The following AQR variants were observed in gnomAD, a reference collection of about 807,000 sequenced individuals.
The protein encoded by AQR is RNA helicase aquarius.
Under a neutral mutation model 180.5 loss-of-function variants are expected in AQR, and 61 were observed. The observed-to-expected ratio is 0.34, with a 90% CI of 0.28 to 0.42. The LOEUF (loss-of-function observed/expected upper bound fraction) is 0.42, where lower values mean the gene tolerates loss of function less well. Ranked by LOEUF, AQR falls within the 10% of genes least tolerant of loss-of-function variation. The probability of loss-of-function intolerance (pLI) is 1.00; values close to 1 mark genes in which losing one functional copy is unlikely to be tolerated. For missense variants in AQR, 1,281 were observed against 1,798.3 expected, an observed-to-expected ratio of 0.71 and a Z score of 5.20; for synonymous variants, 551 against 588.8, an observed-to-expected ratio of 0.94 and a Z score of 0.93.
chr15:34,931,631 A>C (rs1477685111), intron 11 of AQR, among the ~76,000 whole-genome samples: 1 of 152,050 alleles, frequency 6.6e-6, no homozygotes, highest in African/African-American at 2.4e-5. Flanking sequence ...ACATGGTGAG[A>C]CCCTGTCTCT....
rs1196949172 is a variant in AQR at position 34,854,411 on chromosome 15, G to A, written c.*2381C>T. 1.3e-5 allele frequency: 2 copies of A among 152,162 alleles called. No homozygotes were observed. Among genetic ancestry groups the A allele is most frequent in the Admixed American group, 6.5e-5 (1 of 15,272 alleles). 9.4% of individuals were successfully genotyped at this position (152,162 alleles called of 1,614,324 possible). A position where few individuals can be genotyped will look rare whatever the true frequency, so the allele number is the denominator to read the frequency against. ...GAATTTATTAAGCAATCCCTCATGT[G>A]TGCTTGATTGAAAAAATAAACAAAG... On this transcript the variant is annotated 3_prime_UTR_variant, in exon 35 of 35. Coordinates refer to ENST00000156471, the MANE Select transcript of AQR (RefSeq NM_014691.3).
intron 34 of AQR, 79 bp from the exon 35 acceptor site, chr15:34,857,185 A>G: frequency 1.5e-6 from 2 of 1,356,084 alleles, no homozygotes; most frequent in Non-Finnish European, 2.0e-6. Context: ...TTACCATTCT[A>G]GAGTTCTCCA....
chr15:34,930,689 AAAC>A (rs1468790893), intron 11 of AQR, among the ~76,000 whole-genome samples: 12 of 152,238 alleles, frequency 7.9e-5, no homozygotes, highest in African/African-American at 2.2e-4. Flanking sequence ...TTAATGAAAC[AAAC>A]AACATCTATC....
intron 15 of AQR, among the ~76,000 whole-genome samples, chr15:34,916,918 G>A (rs1378517150): frequency 2.0e-5 from 3 of 149,042 alleles, no homozygotes; most frequent in Non-Finnish European, 4.4e-5. Context: ...AAGAAAAAAA[G>A]GGATGTATAG....
rs552416535 is a variant in AQR, at chr15:34,853,409, G to T, written c.*3383C>A. On this transcript the variant is annotated 3_prime_UTR_variant, in exon 35 of 35. Transcript: ENST00000156471. Reference sequence around the variant, plus strand: ...GACAGTACAGAATTCAGAACTGATAGAAGTTATCAGCTCCATATTTCAGAA... The same window carrying T: ...GACAGTACAGAATTCAGAACTGATATAAGTTATCAGCTCCATATTTCAGAA... 6.6e-6 allele frequency: 1 copy of T among 152,154 alleles called. No individual in the cohort carries two copies. Among genetic ancestry groups the T allele is most frequent in the East Asian group, 1.9e-4 (1 of 5,190 alleles). The allele number at this position is 152,154 out of a possible 1,614,324, so 9.4% of individuals were successfully genotyped here. A position where few individuals can be genotyped will look rare whatever the true frequency, so the allele number is the denominator to read the frequency against.
At position 34,856,970 on chromosome 15, in the gene AQR, C is replaced by T. The variant is rs573724519; in HGVS notation, c.4280G>A (p.Arg1427His). Residue 1427 changes from arginine to histidine, a missense_variant, in exon 35 of 35, where the codon CGT becomes CAT. This residue lies in a region of AQR where 182 missense variants were observed against 185.3 expected (regional missense o/e 0.98). Transcript: ENST00000156471. ...AGTTTGAAAGGCTGGAGTTTCTTGA[C>T]GGCAGCTGGTGTCTGTTGGACTGGG... is the stretch of plus-strand genomic sequence containing the variant. The part of the protein sequence containing the change: ...IIPSPTDTSC[R>H]QETPAFQTDT... 7.4e-5 allele frequency: 120 copies of T among 1,614,078 alleles called. No homozygotes were observed. The highest frequency in any genetic ancestry group is 1.6e-4 in the Middle Eastern group (1 of 6,062).
intron 32 of AQR, chr15:34,863,313 A>T: frequency 3.8e-6 from 1 of 264,220 alleles, no homozygotes; most frequent in Non-Finnish European, 7.2e-6. Context: ...GTAATATATT[A>T]GTATTACAGT....
intron 4 of AQR, among the ~76,000 whole-genome samples, chr15:34,950,931 T>C (rs1894221371): frequency 2.0e-5 from 3 of 152,214 alleles, no homozygotes; most frequent in Admixed American, 2.0e-4. Flanking sequence ...ATCTTGGGTG[T>C]TATCTGACTA....
At chr15:34,896,594 T>C (rs1181449803) in intron 22 of AQR, among the ~76,000 whole-genome samples, 1 of 147,524 alleles carries the variant, frequency 6.8e-6, no homozygotes, top group Non-Finnish European at 1.5e-5. Context: ...ACGCCTGTAA[T>C]CCCAACACAT....
At chr15:34,954,715 T>A (rs868611818) in intron 3 of AQR, among the ~76,000 whole-genome samples, 2 of 152,158 alleles carry the variant, frequency 1.3e-5, no homozygotes, top group Admixed American at 1.3e-4. Flanking sequence ...AGTTTTATAC[T>A]TTTGCCAATG....
Position 34,854,642 on chromosome 15 carries a change from T to G in AQR, c.*2150A>C, listed in dbSNP as rs1892562578. On this transcript the variant is annotated 3_prime_UTR_variant, in exon 35 of 35. Coordinates refer to ENST00000156471, the MANE Select transcript of AQR (RefSeq NM_014691.3). ...TTAAAAGAATTCAAATCCCACCACC[T>G]TTACCCTTTCTAAATTCTTTTGACA... 6.6e-6 allele frequency: 1 copy of G among 152,208 alleles called. No individual in the cohort carries two copies. Among genetic ancestry groups the G allele is most frequent in the African/African-American group, 2.4e-5 (1 of 41,450 alleles). 9.4% of individuals were successfully genotyped at this position (152,208 alleles called of 1,614,324 possible).
chr15:34,904,531 A>G (rs1454731795), intron 18 of AQR, 26 bp from the exon 19 acceptor site: 1 of 1,568,108 alleles, frequency 6.4e-7, no homozygotes, highest in Admixed American at 2.0e-5. Context: ...AAGTTTGTTA[A>G]ATAAAATATG....
chr15:34,969,487 G>A lies in AQR; in HGVS notation c.75+52C>T, dbSNP rs1411341300. On this transcript the variant is annotated intron_variant, in intron 1 of 34. Coordinates refer to ENST00000156471, the MANE Select transcript of AQR (RefSeq NM_014691.3). ...AAAAAAAACCCCACCACCAGGCCTC[G>A]GGGCCACGACGTCCATACCCACTCA... 6 of 1,601,958 alleles carry A rather than the reference G, an allele frequency of 3.7e-6. 1 individual carries two copies. In the Admixed American group the frequency reaches 6.7e-5, roughly 18 times the overall value.
intron 2 of AQR, 102 bp from the exon 3 acceptor site, chr15:34,960,916 G>A: frequency 4.3e-6 from 2 of 459,826 alleles, no homozygotes; most frequent in Non-Finnish European, 7.7e-6. Context: ...GTTGGTTTAG[G>A]AAAGCCATCA....
Position 34,920,420 on chromosome 15 carries a change from T to C in AQR, c.1133A>G (p.His378Arg). ...FFGPLSSNTL[H>R]QVASYLCLLP... is the part of the protein sequence containing the mutation. Reference sequence around the variant, plus strand: ...CAAGCAGAGGTATGATGCCACCTGGTGGAGTGTGTTTGAACTGCAGAATAG... The same window carrying C: ...CAAGCAGAGGTATGATGCCACCTGGCGGAGTGTGTTTGAACTGCAGAATAG... The change falls in exon 14 of 35, where the codon CAC (histidine) becomes CGC (arginine). Residue 378 changes from histidine to arginine, a missense_variant. Transcript: ENST00000156471. 1 of 1,613,092 alleles carries C rather than the reference T, an allele frequency of 6.2e-7. No homozygotes were observed. The highest frequency in any genetic ancestry group is 8.5e-7 in the Non-Finnish European group (1 of 1,179,440).
intron 6 of AQR, 113 bp downstream of exon 6, chr15:34,944,175 T>C: frequency 9.9e-7 from 1 of 1,011,490 alleles, no homozygotes; most frequent in East Asian, 2.7e-5. Context: ...GCATTATCCT[T>C]ATTGCCTGCT....
chr15:34,922,243 T>C lies in AQR; in HGVS notation c.1119-1809A>G, dbSNP rs541830201. 3.9e-5 allele frequency among the ~76,000 whole-genome samples: 6 copies of C among 152,362 alleles called. No homozygotes were observed. In the South Asian group the frequency reaches 1.2e-3, roughly 32 times the overall value. Reference sequence around the variant, plus strand: ...GCTGAGCAGTATTTCATGATACGGCTGTATCACAGTATGTTTATTCATTCA... The same window carrying C: ...GCTGAGCAGTATTTCATGATACGGCCGTATCACAGTATGTTTATTCATTCA... On this transcript the variant is annotated intron_variant, in intron 13 of 34. Transcript: ENST00000156471.
chr15:34,934,654 G>T lies in AQR; in HGVS notation c.719-19C>A. The T allele has an allele frequency of 6.6e-7, 1 of 1,511,336 alleles. No individual in the cohort carries two copies. Among genetic ancestry groups the T allele is most frequent in the Non-Finnish European group, 8.8e-7 (1 of 1,130,074 alleles). The allele number at this position is 1,511,336 out of a possible 1,614,324, so 93.6% of individuals were successfully genotyped here. On this transcript the variant is annotated intron_variant, in intron 9 of 34. Transcript: ENST00000156471. Reference sequence around the variant, plus strand: ...ACAGGTTCTAGACATAAGAGAGAACGCATGATAGAATTTCCTTACTAGGCC... The same window carrying T: ...ACAGGTTCTAGACATAAGAGAGAACTCATGATAGAATTTCCTTACTAGGCC...
Position 34,897,656 on chromosome 15 carries a change from C to G in AQR, c.2293G>C (p.Asp765His), listed in dbSNP as rs369405800. The G allele has an allele frequency of 2.4e-5, 38 of 1,613,970 alleles. No individual in the cohort carries two copies. The highest frequency in any genetic ancestry group is 3.0e-5 in the Non-Finnish European group (35 of 1,179,988). ...TCCTCGGTGTCTTCATCTTCCACAT[C>G]CGCATCTTTCCTTTTCTTCCCTTTT... ...SGKGKKRKDA[D>H]VEDEDTEEAK... Residue 765 changes from aspartate to histidine, a missense_variant, in exon 21 of 35, where the codon GAT (aspartate) becomes CAT (histidine). Asp to His is a moderately conservative substitution (Grantham distance 81). Transcript: ENST00000156471.
Sources: gnomAD v4.1 joint callset for allele counts (sites outside exome capture counted in the v4.1 genomes callset) on GRCh38, gnomAD v4.1.1 for gene constraint, gnomAD v4.1.1 regional missense constraint, MANE v1.5 for transcripts, NCBI Gene and HGNC (gene_info 2026-07-23, HGNC 2026-07-21) for gene names.